The following GALNTL6 variants were observed in gnomAD, a reference collection of about 807,000 sequenced individuals.
GALNTL6 encodes the protein polypeptide N-acetylgalactosaminyltransferase like 6.
Under a neutral mutation model 73.7 loss-of-function variants are expected in GALNTL6, and 46 were observed. That is an observed-to-expected ratio of 0.62 (90% CI 0.49 to 0.80). GALNTL6 has a LOEUF of 0.80. Ranked by LOEUF, GALNTL6 falls within the 30% of genes least tolerant of loss-of-function variation. GALNTL6 has a pLI of 0.00. For missense variants in GALNTL6, 604 were observed against 755.0 expected (o/e 0.80, Z 2.34); for synonymous variants, 259 against 263.7 (o/e 0.98, Z 0.17).
chr4:172,219,837 A>G (rs1324993863), intron 2 of GALNTL6, among the ~76,000 whole-genome samples: 2 of 151,936 alleles, frequency 1.3e-5, no homozygotes, highest in Non-Finnish European at 1.5e-5. Context: ...ATATAATGGA[A>G]AGCAACCTGG....
At position 172,813,679 on chromosome 4, in the gene GALNTL6, C is replaced by T; in HGVS notation, c.879C>T (p.Pro293=). ...GGGAAATGTACTACAAAAGAATCCC[C>T]ATCCCTCCAGAGCTCCAGAGGGCAG... is the stretch of plus-strand genomic sequence containing the variant. ...FDWEMYYKRI[P]IPPELQRADP... Residue 293 remains proline (P), a synonymous_variant, in exon 7 of 13, where the codon CCC becomes CCT. Coordinates refer to ENST00000506823, the MANE Select transcript of GALNTL6 (RefSeq NM_001034845.3). The T allele has an allele frequency of 6.2e-7, 1 of 1,612,730 alleles. No homozygotes were observed. The highest frequency in any genetic ancestry group is 8.5e-7 in the Non-Finnish European group (1 of 1,179,010).
At chr4:172,113,139 G>C (rs1463243441) in intron 2 of GALNTL6, among the ~76,000 whole-genome samples, 2 of 151,706 alleles carry the variant, frequency 1.3e-5, no homozygotes, top group Admixed American at 6.6e-5. Flanking sequence ...TTGAGTAATA[G>C]TGGATCTGTT....
intron 3 of GALNTL6, among the ~76,000 whole-genome samples, chr4:172,287,709 G>GT (rs999804696): frequency 2.0e-5 from 3 of 152,028 alleles, no homozygotes; most frequent in African/African-American, 7.2e-5. Context: ...TATCCTCCTT[G>GT]TGCTTACATT....
chr4:172,585,938 T>A (rs1391077244), intron 5 of GALNTL6, among the ~76,000 whole-genome samples: 1 of 151,728 alleles, frequency 6.6e-6, no homozygotes, highest in East Asian at 1.9e-4. Context: ...ATTAGAGAAA[T>A]CCAAATCAAA....
intron 2 of GALNTL6, among the ~76,000 whole-genome samples, chr4:172,181,196 G>A (rs1170045102): frequency 6.6e-6 from 1 of 152,140 alleles, no homozygotes; most frequent in Non-Finnish European, 1.5e-5. Flanking sequence ...TATCCCTGAT[G>A]AACATCAATG....
intron 2 of GALNTL6, among the ~76,000 whole-genome samples, chr4:172,085,647 A>G (rs1224706126): frequency 6.6e-6 from 1 of 151,872 alleles, no homozygotes; most frequent in Non-Finnish European, 1.5e-5. Flanking sequence ...TTTAATTTGC[A>G]TGGCAAGAAA....
intron 5 of GALNTL6, among the ~76,000 whole-genome samples, chr4:172,443,874 T>C (rs1173134891): frequency 6.6e-6 from 1 of 152,184 alleles, no homozygotes; most frequent in African/African-American, 2.4e-5. Context: ...GGAAACTAGA[T>C]AAGGACCTTG....
At chr4:171,866,271 C>G (rs1016080743) in intron 2 of GALNTL6, among the ~76,000 whole-genome samples, 1 of 151,896 alleles carries the variant, frequency 6.6e-6, no homozygotes, top group Non-Finnish European at 1.5e-5. Flanking sequence ...ATCAATTAAT[C>G]AATTAAATGT....
At chr4:172,406,716 T>A (rs1744250620) in intron 5 of GALNTL6, among the ~76,000 whole-genome samples, 1 of 152,036 alleles carries the variant, frequency 6.6e-6, no homozygotes, top group East Asian at 1.9e-4. Context: ...GCTAAATTTG[T>A]CATATATTGT....
intron 3 of GALNTL6, among the ~76,000 whole-genome samples, chr4:172,239,019 AT>A (rs1241168857): frequency 6.6e-6 from 1 of 151,864 alleles, no homozygotes; most frequent in Admixed American, 6.6e-5. Flanking sequence ...TTTATTAAGG[AT>A]TTTTGCATCT....
chr4:172,952,967 C>A (rs1299638008), intron 10 of GALNTL6, among the ~76,000 whole-genome samples: 1 of 152,216 alleles, frequency 6.6e-6, no homozygotes, highest in Non-Finnish European at 1.5e-5. Flanking sequence ...TGGTGCACAG[C>A]CTTGCTGCTA....
chr4:172,016,608 G>A (rs1221686671), intron 2 of GALNTL6, among the ~76,000 whole-genome samples: 1 of 151,950 alleles, frequency 6.6e-6, no homozygotes, highest in Non-Finnish European at 1.5e-5. Flanking sequence ...TCCATTGCTA[G>A]GAAGCTAGTG....
At chr4:173,007,456 C>G (rs958759562) in intron 10 of GALNTL6, among the ~76,000 whole-genome samples, 1 of 152,198 alleles carries the variant, frequency 6.6e-6, no homozygotes, top group African/African-American at 2.4e-5. Flanking sequence ...TCCATCTCTG[C>G]TACAGGCTGT....
intron 2 of GALNTL6, among the ~76,000 whole-genome samples, chr4:172,144,035 A>C (rs1429532150): frequency 6.6e-6 from 1 of 152,166 alleles, no homozygotes; most frequent in African/African-American, 2.4e-5. Flanking sequence ...CTATTAGTTT[A>C]GTACTATCTC....
chr4:172,162,694 A>T (rs1208351064), intron 2 of GALNTL6, among the ~76,000 whole-genome samples: 1 of 152,046 alleles, frequency 6.6e-6, no homozygotes, highest in East Asian at 1.9e-4. Context: ...TCATTTGAAT[A>T]TATTTTCTGG....
rs564902128 is a variant in GALNTL6 at position 172,535,224 on chromosome 4, A to G, written c.553+186535A>G. On this transcript the variant is annotated intron_variant, in intron 5 of 12. Coordinates refer to ENST00000506823, the MANE Select transcript of GALNTL6 (RefSeq NM_001034845.3). The stretch of plus-strand genomic sequence containing the variant: ...ATATGATGGAGGAATATATGGACTC[A>G]AATTTATAAGCTTATGTCTTCATAA... Among the ~76,000 whole-genome samples the G allele has an allele frequency of 5.9e-5, 9 of 152,370 alleles. No homozygotes were observed. In the East Asian group the frequency reaches 1.7e-3, roughly 29 times the overall value.
At chr4:172,001,947 C>T (rs181578292) in intron 2 of GALNTL6, among the ~76,000 whole-genome samples, 24 of 152,238 alleles carry the variant, frequency 1.6e-4, no homozygotes, top group African/African-American at 5.1e-4. Context: ...TAAACACTGG[C>T]CCACTGTGTC....
At chr4:172,653,848 C>T (rs577498128) in intron 5 of GALNTL6, among the ~76,000 whole-genome samples, 2 of 152,354 alleles carry the variant, frequency 1.3e-5, no homozygotes, top group South Asian at 4.1e-4. Flanking sequence ...AGGATCAACA[C>T]TGTGCATTAT....
In GALNTL6 at chr4:172,551,792, G is replaced by C. The variant is rs1735963351; in HGVS notation, c.553+203103G>C. ...ATTGTAATAAAACGCCTACAGAACTGAGGATTTTCAAATACCTGTATGAGG... is the reference window on the plus strand; with the variant it reads ...ATTGTAATAAAACGCCTACAGAACTCAGGATTTTCAAATACCTGTATGAGG... On this transcript the variant is annotated intron_variant, in intron 5 of 12. Transcript: ENST00000506823. 2.6e-5 allele frequency among the ~76,000 whole-genome samples: 4 copies of C among 152,096 alleles called. No homozygotes were observed. In the South Asian group the frequency reaches 8.3e-4, roughly 32 times the overall value.
Sources: gnomAD v4.1 joint callset for allele counts (sites outside exome capture counted in the v4.1 genomes callset) on GRCh38, gnomAD v4.1.1 for gene constraint, MANE v1.5 for transcripts, NCBI Gene and HGNC (gene_info 2026-07-23, HGNC 2026-07-21) for gene names.